Variants in WDR5 observed in about 807,000 individuals in gnomAD.
WDR5 encodes the protein WD repeat-containing protein 5.
For synonymous variants in WDR5, 144 were observed against 161.6 expected, an observed-to-expected ratio of 0.89 and a Z score of 0.83; for missense variants, 187 against 416.9, an observed-to-expected ratio of 0.45 and a Z score of 4.80.
intron 9 of WDR5, 78 bp from the exon 10 acceptor site, chr9:134,154,388 A>G (rs972582603): frequency 2.9e-5 from 42 of 1,442,046 alleles, no homozygotes; most frequent in Middle Eastern, 3.5e-4. Flanking sequence ...CACGTGGGGG[A>G]TGGGGAGCGG....
In WDR5 at chr9:134,140,745, G is replaced by T; in HGVS notation, c.124G>T (p.Ala42Ser). 6.2e-7 allele frequency: 1 copy of T among 1,614,192 alleles called. No individual in the cohort carries two copies. Among genetic ancestry groups the T allele is most frequent in the Non-Finnish European group, 8.5e-7 (1 of 1,180,034 alleles). ...KPNYALKFTL[A>S]GHTKAVSSVK... ...AAACTATGCTCTAAAGTTCACCCTT[G>T]CTGGCCACACCAAAGCAGTGTCCTC... The change falls in exon 3 of 14, where the codon GCT (alanine) becomes TCT (serine). Residue 42 changes from alanine (A) to serine (S), a missense_variant. Ala to Ser is a moderately conservative substitution (Grantham distance 99). Coordinates refer to ENST00000358625, the MANE Select transcript of WDR5 (RefSeq NM_017588.3).
At chr9:134,145,430 G>T (rs930953245) in intron 7 of WDR5, among the ~76,000 whole-genome samples, 2 of 152,174 alleles carry the variant, frequency 1.3e-5, no homozygotes, top group Non-Finnish European at 2.9e-5. Context: ...GCACATCTAT[G>T]CCCTTGGATT....
Position 134,158,144 on chromosome 9 carries a change from C to A in WDR5, c.*151C>A. 1 of 668,126 alleles carries A rather than the reference C, an allele frequency of 1.5e-6. No individual in the cohort carries two copies. The highest frequency in any genetic ancestry group is 2.6e-6 in the Non-Finnish European group (1 of 391,490). The allele number at this position is 668,126 out of a possible 1,614,324, so 41.4% of individuals were successfully genotyped here. The stretch of plus-strand genomic sequence containing the variant: ...CCTCTCTGAAGATGATTTGGCCGAG[C>A]GGAAGGTGTGGACCACCGGAAAGTT... On this transcript the variant is annotated 3_prime_UTR_variant, in exon 14 of 14. Coordinates refer to ENST00000358625, the MANE Select transcript of WDR5 (RefSeq NM_017588.3).
rs560657266 is a variant in WDR5, at chr9:134,153,495, G to C, written c.632-971G>C. ...CATGCGGACACGCTTGCCATCAGCT[G>C]TGTTAAGGGAGCCCGGCCCCCCGGC... is the stretch of plus-strand genomic sequence containing the variant. On this transcript the variant is annotated intron_variant, in intron 9 of 13. Coordinates refer to ENST00000358625, the MANE Select transcript of WDR5 (RefSeq NM_017588.3). Among the ~76,000 whole-genome samples, 148 of 152,370 alleles carry C rather than the reference G, an allele frequency of 9.7e-4. 2 individuals are homozygous for C. Among genetic ancestry groups the C allele is most frequent in the Admixed American group, 4.8e-3 (73 of 15,310 alleles).
In WDR5 at chr9:134,139,478, C is replaced by CT. The variant is rs542795174; in HGVS notation, c.-58-335dup. Among the ~76,000 whole-genome samples the CT allele has an allele frequency of 3.0e-3, 462 of 152,280 alleles. 5 individuals carry two copies. Among genetic ancestry groups the CT allele is most frequent in the African/African-American group, 0.01 (431 of 41,552 alleles). ...TTCTGTCAGGAAACCTTTTGCTGTT[C>CT]TTTTTTTAATGTGTCCAGGGCTCTT... On this transcript the variant is annotated intron_variant, in intron 1 of 13. Coordinates refer to ENST00000358625, the MANE Select transcript of WDR5 (RefSeq NM_017588.3).
intron 3 of WDR5, among the ~76,000 whole-genome samples, chr9:134,141,074 G>A (rs1033911570): frequency 6.6e-6 from 1 of 152,178 alleles, no homozygotes; most frequent in Non-Finnish European, 1.5e-5. Flanking sequence ...ACGAGGTCAG[G>A]AGTTCGAGAG....
At chr9:134,138,182 G>A (rs1208459201) in intron 1 of WDR5, among the ~76,000 whole-genome samples, 2 of 152,346 alleles carry the variant, frequency 1.3e-5, no homozygotes, top group Non-Finnish European at 2.9e-5. Context: ...CCTATCTGTT[G>A]TTCCTCCTCT....
At chr9:134,150,020 A>G (rs80149951) in intron 8 of WDR5, among the ~76,000 whole-genome samples, 4,065 of 152,342 alleles carry the variant, frequency 0.027, 100 homozygotes, top group African/African-American at 0.064. Flanking sequence ...ATCCAGTTCA[A>G]TAGTGAACTT....
rs1249562907 is a variant in WDR5, at chr9:134,137,677, A to C, written c.-59+1477A>C. Among the ~76,000 whole-genome samples, 57 of 139,212 alleles carry C rather than the reference A, an allele frequency of 4.1e-4. 4 individuals are homozygous for C. The highest frequency in any genetic ancestry group is 6.2e-4 in the Non-Finnish European group (39 of 62,908). The allele number at this position is 139,212 out of a possible 152,430, so 91.3% of individuals were successfully genotyped here. A position where few individuals can be genotyped will look rare whatever the true frequency, so the allele number is the denominator to read the frequency against. On this transcript the variant is annotated intron_variant, in intron 1 of 13. Coordinates refer to ENST00000358625, the MANE Select transcript of WDR5 (RefSeq NM_017588.3). ...CTTTGGACTGTGTCTCAAAAAAAAA[A>C]CAAAAACAAAAAAAAAACACGCCAA...
chr9:134,151,564 T>C (rs1201036226), intron 8 of WDR5, among the ~76,000 whole-genome samples: 1 of 152,192 alleles, frequency 6.6e-6, no homozygotes, highest in African/African-American at 2.4e-5. Context: ...ACAATACTCT[T>C]AAATTTTTGT....
chr9:134,143,967 T>G (rs1234479498), intron 7 of WDR5, among the ~76,000 whole-genome samples: 1 of 152,216 alleles, frequency 6.6e-6, no homozygotes, highest in East Asian at 1.9e-4. Context: ...ATCCTGCCCT[T>G]CGTTGAGAAG....
chr9:134,148,340 T>A lies in WDR5; in HGVS notation c.581T>A (p.Leu194His), dbSNP rs757011300. ...SLIVSSSYDG[L>H]CRIWDTASGQ... ...ATAGTTTCAAGTAGCTATGATGGTC[T>A]CTGGTAAGTGAAAACATTTTACTTC... The change falls in exon 8 of 14, where the codon CTC (leucine) becomes CAC (histidine). Residue 194 changes from leucine (L) to histidine (H), a missense_variant. Coordinates refer to ENST00000358625, the MANE Select transcript of WDR5 (RefSeq NM_017588.3). 1 of 1,613,492 alleles carries A rather than the reference T, an allele frequency of 6.2e-7. No homozygotes were observed. Among genetic ancestry groups the A allele is most frequent in the Non-Finnish European group, 8.5e-7 (1 of 1,179,484 alleles).
At chr9:134,156,671 CGTA>C in intron 13 of WDR5, 78 bp downstream of exon 13, 1 of 1,463,450 alleles carries the variant, frequency 6.8e-7, no homozygotes, top group Non-Finnish European at 9.5e-7. Flanking sequence ...GTGGTGTGCC[CGTA>C]GGGTGCCGTC....
chr9:134,150,181 G>C (rs1832420998), intron 8 of WDR5, among the ~76,000 whole-genome samples: 1 of 152,210 alleles, frequency 6.6e-6, no homozygotes, highest in South Asian at 2.1e-4. Context: ...GTTGATGCCA[G>C]GATTCCAGAG....
chr9:134,150,478 A>C (rs571407626), intron 8 of WDR5, among the ~76,000 whole-genome samples: 51 of 152,256 alleles, frequency 3.3e-4, no homozygotes, highest in Admixed American at 3.0e-3. Flanking sequence ...GACATGCTGA[A>C]ACTCTTTCTA....
At chr9:134,141,650 G>A (rs1831894471) in intron 4 of WDR5, 67 bp downstream of exon 4, 2 of 1,512,130 alleles carry the variant, frequency 1.3e-6, no homozygotes, top group African/African-American at 1.4e-5. Context: ...CAAGGGGTCA[G>A]GGCTGCTTCG....
intron 7 of WDR5, among the ~76,000 whole-genome samples, chr9:134,147,998 T>C (rs28549758): frequency 0.36 from 55,032 of 151,616 alleles, 11,110 homozygotes; most frequent in Non-Finnish European, 0.46. Context: ...CTCCTAAAAA[T>C]ATATATATAT....
At chr9:134,135,826 C>G (rs1831507293), upstream of WDR5, 1 of 152,228 alleles carries the variant, frequency 6.6e-6, no homozygotes, top group Non-Finnish European at 1.5e-5. Flanking sequence ...AACGCGAGGG[C>G]ACACTAGCAC....
At chr9:134,145,583 G>A (rs1832151345) in intron 7 of WDR5, among the ~76,000 whole-genome samples, 1 of 152,252 alleles carries the variant, frequency 6.6e-6, no homozygotes, top group Non-Finnish European at 1.5e-5. Flanking sequence ...TGGCTTTGGA[G>A]GGGAAATGCA....
Sources: allele counts gnomAD v4.1 joint callset (sites outside exome capture counted in the v4.1 genomes callset), GRCh38; gene constraint gnomAD v4.1.1; transcripts MANE v1.5; gene names NCBI Gene and HGNC (gene_info 2026-07-23, HGNC 2026-07-21).